TMEM181: variants seen among roughly 807,000 people sequenced by gnomAD.
TMEM181 encodes the protein G protein-coupled receptor 178.
In TMEM181, 39 loss-of-function variants were observed where a neutral mutation model predicts 71.9. That is an observed-to-expected ratio of 0.54 (90% CI 0.42 to 0.71). The LOEUF is 0.71. TMEM181 is among the 30% of genes least tolerant of loss of function. The probability of loss-of-function intolerance (pLI) is 0.00; values close to 1 mark genes in which losing one functional copy is unlikely to be tolerated. For synonymous variants in TMEM181, 245 were observed against 228.8 expected, an observed-to-expected ratio of 1.07 and a Z score of -0.64; for missense variants, 595 against 583.0, an observed-to-expected ratio of 1.02 and a Z score of -0.21.
chr6:158,631,479 T>C (rs1786662420), intron 16 of TMEM181, 90 bp downstream of exon 16: 15 of 1,404,800 alleles, frequency 1.1e-5, no homozygotes, highest in Non-Finnish European at 1.5e-5. Context: ...TCTAAAATTA[T>C]TTTCAAGGTA....
At chr6:158,584,131 C>T in intron 4 of TMEM181, 87 bp downstream of exon 4, 2 of 1,149,234 alleles carry the variant, frequency 1.7e-6, no homozygotes, top group Non-Finnish European at 2.5e-6. Context: ...TTCAGACAAG[C>T]AAGTGCTCAA....
intron 1 of TMEM181, 51 bp downstream of exon 1, chr6:158,560,283 C>T (rs1306929467): frequency 1.0e-6 from 1 of 985,232 alleles, no homozygotes; most frequent in Non-Finnish European, 1.2e-6. Context: ...GACACTCCGG[C>T]CGAAAGTTGG....
chr6:158,537,667 C>G (rs1048671418), intron 1 of TMEM181, among the ~76,000 whole-genome samples: 2 of 152,228 alleles, frequency 1.3e-5, no homozygotes, highest in East Asian at 3.8e-4. Flanking sequence ...CCTCACCCCC[C>G]CACCTCAACC....
chr6:158,539,348 C>T (rs1171563648), intron 1 of TMEM181, among the ~76,000 whole-genome samples: 1 of 152,178 alleles, frequency 6.6e-6, no homozygotes, highest in African/African-American at 2.4e-5. Context: ...AATGGATTGT[C>T]GCTGTACAAA....
intron 6 of TMEM181, among the ~76,000 whole-genome samples, chr6:158,590,696 T>TCA (rs1307288567): frequency 3.3e-5 from 5 of 151,970 alleles, no homozygotes; most frequent in Middle Eastern, 6.8e-3. Flanking sequence ...TCTCCTGACC[T>TCA]GGTGATCCGC....
intron 1 of TMEM181, among the ~76,000 whole-genome samples, chr6:158,543,042 A>T (rs1781410208): frequency 6.6e-6 from 1 of 151,106 alleles, no homozygotes; most frequent in Admixed American, 6.6e-5. Flanking sequence ...CGCCTGGCTA[A>T]TTTTTTGTAT....
At chr6:158,608,822 G>A in intron 10 of TMEM181, 72 bp downstream of exon 10, 2 of 1,426,612 alleles carry the variant, frequency 1.4e-6, no homozygotes, top group South Asian at 1.2e-5. Flanking sequence ...GCCAGGCCAG[G>A]CGTAGTGGCT....
chr6:158,604,194 G>A (rs903617595), intron 6 of TMEM181, among the ~76,000 whole-genome samples: 1 of 152,180 alleles, frequency 6.6e-6, no homozygotes, highest in Non-Finnish European at 1.5e-5. Flanking sequence ...TGGACTCCCA[G>A]CCGTGGCTCT....
intron 1 of TMEM181, among the ~76,000 whole-genome samples, chr6:158,564,989 C>T (rs913674687): frequency 2.0e-5 from 3 of 152,254 alleles, no homozygotes; most frequent in Admixed American, 6.5e-5. Flanking sequence ...TCGGTCTTAC[C>T]CGCCTACCGT....
At chr6:158,599,218 C>T (rs1243126192) in intron 6 of TMEM181, among the ~76,000 whole-genome samples, 1 of 152,240 alleles carries the variant, frequency 6.6e-6, no homozygotes, top group Non-Finnish European at 1.5e-5. Flanking sequence ...TGGGAATTGA[C>T]ATCACCTGTG....
exon 1 of TMEM181, chr6:158,536,703 C>G: frequency 1.3e-6 from 2 of 1,541,514 alleles, no homozygotes; most frequent in Non-Finnish European, 1.7e-6. Flanking sequence ...AAGGGTGGAG[C>G]GGCGGGACCG....
rs147571671 is a variant in TMEM181, at chr6:158,621,885, G to A, written c.897-1665G>A. Reference sequence around the variant, plus strand: ...ATACAAAGTCCAGAGCTGTCAAAGCGCTTCCGAAGACCACAAAGGGCTTTA... The same window carrying A: ...ATACAAAGTCCAGAGCTGTCAAAGCACTTCCGAAGACCACAAAGGGCTTTA... On this transcript the variant is annotated intron_variant, in intron 10 of 16. Coordinates refer to ENST00000684151, the MANE Select transcript of TMEM181 (RefSeq NM_001376852.1). Among the ~76,000 whole-genome samples the A allele has an allele frequency of 9.2e-5, 14 of 152,334 alleles. 1 individual carries two copies. In the East Asian group the frequency reaches 2.1e-3, roughly 23 times the overall value.
chr6:158,618,609 A>G (rs1005943178), intron 10 of TMEM181, among the ~76,000 whole-genome samples: 6 of 152,136 alleles, frequency 3.9e-5, no homozygotes, highest in Non-Finnish European at 8.8e-5. Context: ...ACAGTTTGGC[A>G]TGTTTTTGCA....
chr6:158,582,204 G>T (rs2128299928), intron 3 of TMEM181, among the ~76,000 whole-genome samples: 1 of 152,216 alleles, frequency 6.6e-6, no homozygotes, highest in African/African-American at 2.4e-5. Context: ...ATTTGAGGAG[G>T]TGCCGCCGTG....
upstream of TMEM181, chr6:158,560,014 C>G (rs1280530993): frequency 2.0e-6 from 2 of 982,430 alleles, no homozygotes; most frequent in Non-Finnish European, 2.4e-6. Context: ...CGCCCGCGGC[C>G]CCGCTTCCAC....
chr6:158,631,305 G>C lies in TMEM181; in HGVS notation c.1283-18G>C, dbSNP rs779406944. On this transcript the variant is annotated intron_variant, in intron 15 of 16. Transcript: ENST00000684151. ...CACGTCAATTGCTTGAGATGCAAAT[G>C]CTCTTGTTGGTTTTCAGAGTCCCAG... The C allele has an allele frequency of 6.2e-7, 1 of 1,613,874 alleles. No homozygotes were observed. Among genetic ancestry groups the C allele is most frequent in the Non-Finnish European group, 8.5e-7 (1 of 1,179,890 alleles).
intron 8 of TMEM181, among the ~76,000 whole-genome samples, chr6:158,607,820 C>T (rs1300043479): frequency 6.6e-6 from 1 of 152,218 alleles, no homozygotes; most frequent in African/African-American, 2.4e-5. Context: ...ATGCCTGGCT[C>T]TCTAACAAAT....
chr6:158,559,584 T>G (rs1236351287), upstream of TMEM181, among the ~76,000 whole-genome samples: 1 of 152,206 alleles, frequency 6.6e-6, no homozygotes, highest in East Asian at 1.9e-4. Context: ...CTGGTCTAGC[T>G]GCAGTCTAGA....
chr6:158,620,344 C>T lies in TMEM181; in HGVS notation c.897-3206C>T, dbSNP rs1440710499. On this transcript the variant is annotated intron_variant, in intron 10 of 16. Transcript: ENST00000684151. The surrounding 1 kb of genome is among the most constrained non-coding windows in gnomAD (Gnocchi z 4.5). ...CCTCTAGCTTAGTCCCACTGGTCCT[C>T]TGAGGACTGGGACGGCAGACCGAAC... is the stretch of plus-strand genomic sequence containing the variant. Among the ~76,000 whole-genome samples, 1 of 152,156 alleles carries T rather than the reference C, an allele frequency of 6.6e-6. No individual in the cohort carries two copies. The highest frequency in any genetic ancestry group is 1.5e-5 in the Non-Finnish European group (1 of 68,014).
Sources: allele counts gnomAD v4.1 joint callset (sites outside exome capture counted in the v4.1 genomes callset), GRCh38; gene constraint gnomAD v4.1.1; non-coding constraint Gnocchi (gnomAD v3.1); transcripts MANE v1.5; gene names NCBI Gene and HGNC (gene_info 2026-07-23, HGNC 2026-07-21).